Variants in SAMD12 observed in about 807,000 individuals in gnomAD.
The protein encoded by SAMD12 is sterile alpha motif domain containing 12.
Under a neutral mutation model 15.0 loss-of-function variants are expected in SAMD12, and 9 were observed. The ratio of observed to expected loss-of-function variants is 0.60; its 90% confidence interval spans 0.36 to 1.05. The LOEUF is 1.05. Ranked by LOEUF, SAMD12 falls within the 50% of genes least tolerant of loss-of-function variation. The probability of loss-of-function intolerance (pLI) is 0.01; values close to 1 mark genes in which losing one functional copy is unlikely to be tolerated. For synonymous variants in SAMD12, 86 were observed against 90.1 expected, an observed-to-expected ratio of 0.96 and a Z score of 0.25; for missense variants, 230 against 234.2, an observed-to-expected ratio of 0.98 and a Z score of 0.12.
chr8:118,315,669 T>C (rs1385806), intron 4 of SAMD12, among the ~76,000 whole-genome samples: 73,516 of 152,002 alleles, frequency 0.48, 20,602 homozygotes, highest in African/African-American at 0.79. Context: ...GCATTTTAGA[T>C]GCCATCAGAA....
chr8:118,456,990 C>A (rs1010363760), intron 2 of SAMD12, among the ~76,000 whole-genome samples: 1 of 152,146 alleles, frequency 6.6e-6, no homozygotes, highest in African/African-American at 2.4e-5. Context: ...AGCTTAATTT[C>A]TCTAAGCCTC....
chr8:118,346,233 A>G (rs1270855924), intron 4 of SAMD12, among the ~76,000 whole-genome samples: 1 of 152,212 alleles, frequency 6.6e-6, no homozygotes, highest in East Asian at 1.9e-4. Flanking sequence ...ATGGTAATAT[A>G]GATTTATACA....
intron 4 of SAMD12, among the ~76,000 whole-genome samples, chr8:118,224,944 G>T (rs1220185240): frequency 6.6e-6 from 1 of 152,118 alleles, no homozygotes; most frequent in Non-Finnish European, 1.5e-5. Flanking sequence ...AACGTTTTGG[G>T]TTTATATCTG....
At chr8:118,559,001 T>C (rs779293035) in intron 2 of SAMD12, among the ~76,000 whole-genome samples, 1 of 152,194 alleles carries the variant, frequency 6.6e-6, no homozygotes, top group Non-Finnish European at 1.5e-5. Flanking sequence ...TAAATTTTAG[T>C]TGGGTCCCAA....
chr8:118,394,143 A>C (rs1057319301), intron 3 of SAMD12, among the ~76,000 whole-genome samples: 1 of 152,226 alleles, frequency 6.6e-6, no homozygotes, highest in Non-Finnish European at 1.5e-5. Flanking sequence ...CCTTAAAGAA[A>C]GTAACAATAT....
At chr8:118,254,465 G>A (rs1175948783) in intron 4 of SAMD12, among the ~76,000 whole-genome samples, 1 of 152,150 alleles carries the variant, frequency 6.6e-6, no homozygotes, top group Non-Finnish European at 1.5e-5. Flanking sequence ...GTGATCTTAA[G>A]TCATATCTCC....
In SAMD12 at chr8:118,280,023, G is replaced by A. The variant is rs140568434; in HGVS notation, c.434-82291C>T. On this transcript the variant is annotated intron_variant, in intron 4 of 4. Coordinates refer to the SAMD12 transcript ENST00000409003. ...TGAGATTCAGAGTTGACTATTGCAC[G>A]TTCTCTCCACTTACAAATGGGACTG... 6.5e-3 allele frequency among the ~76,000 whole-genome samples: 989 copies of A among 152,280 alleles called. 12 individuals carry two copies. Among genetic ancestry groups the A allele is most frequent in the African/African-American group, 0.023 (937 of 41,562 alleles).
intron 4 of SAMD12, among the ~76,000 whole-genome samples, chr8:118,371,839 C>A (rs574427084): frequency 6.6e-6 from 1 of 152,156 alleles, no homozygotes; most frequent in African/African-American, 2.4e-5. Context: ...ACTAAGAGGA[C>A]CTACCCCCAG....
At chr8:118,550,478 T>A (rs1405187867) in intron 2 of SAMD12, among the ~76,000 whole-genome samples, 1 of 152,162 alleles carries the variant, frequency 6.6e-6, no homozygotes. Flanking sequence ...AAGCAAATGC[T>A]GAGAGATTTT....
chr8:118,441,062 G>C (rs1298262351), intron 2 of SAMD12, among the ~76,000 whole-genome samples: 1 of 152,072 alleles, frequency 6.6e-6, no homozygotes, highest in Non-Finnish European at 1.5e-5. Flanking sequence ...GGCAAAAGGA[G>C]AGCCTTCATT....
chr8:118,582,723 G>T (rs1432080889), intron 1 of SAMD12, among the ~76,000 whole-genome samples: 5 of 152,170 alleles, frequency 3.3e-5, no homozygotes, highest in Admixed American at 3.3e-4. Context: ...ATACTGGTGT[G>T]TACAGAAAAG....
chr8:118,608,647 G>A (rs1402185336), intron 1 of SAMD12, among the ~76,000 whole-genome samples: 1 of 152,046 alleles, frequency 6.6e-6, no homozygotes, highest in Non-Finnish European at 1.5e-5. Flanking sequence ...GGGACTACAG[G>A]TGTGCACCAC....
rs77331492 is a variant in SAMD12, at chr8:118,220,228, G to A, written c.434-22496C>T. ...TTTTGGTGTGTACAGTTCCATCGTC[G>A]TGCTATTCAGGAATGGACGTGGTGA... is the stretch of plus-strand genomic sequence containing the variant. On this transcript the variant is annotated intron_variant, in intron 4 of 4. Transcript: ENST00000409003. Among the ~76,000 whole-genome samples, 360 of 152,280 alleles carry A rather than the reference G, an allele frequency of 2.4e-3. 3 individuals are homozygous for A. Among genetic ancestry groups the A allele is most frequent in the African/African-American group, 7.5e-3 (311 of 41,550 alleles).
chr8:118,269,218 CTCTGTGTGTGTGTGTG>C (rs1312457699), intron 4 of SAMD12, among the ~76,000 whole-genome samples: 1 of 115,696 alleles, frequency 8.6e-6, no homozygotes, highest in Non-Finnish European at 1.7e-5. Flanking sequence ...CTCTCTCTCT[CTCTGTGTGTGTGTGTG>C]TGTGTGTGTG....
chr8:118,289,639 T>C lies in SAMD12; in HGVS notation c.433+89921A>G, dbSNP rs532445654. ...GCTGGCTTCTAGCTTACAGCAGTGC[T>C]AACCAGAATCAGGGCTGCTGACACT... On this transcript the variant is annotated intron_variant, in intron 4 of 4. Transcript: ENST00000409003. 6.6e-5 allele frequency among the ~76,000 whole-genome samples: 10 copies of C among 152,366 alleles called. No individual in the cohort carries two copies. In the East Asian group the frequency reaches 1.7e-3, roughly 26 times the overall value.
At chr8:118,548,394 C>CAT (rs72268705) in intron 2 of SAMD12, among the ~76,000 whole-genome samples, 11 of 144,276 alleles carry the variant, frequency 7.6e-5, no homozygotes, top group African/African-American at 3.0e-4. Context: ...TACACACACA[C>CAT]ACACACACAC....
chr8:118,438,259 TAAGA>T (rs1822630494), intron 3 of SAMD12, among the ~76,000 whole-genome samples: 1 of 152,196 alleles, frequency 6.6e-6, no homozygotes, highest in South Asian at 2.1e-4. Flanking sequence ...TTTTTATATT[TAAGA>T]TAGAAGGATT....
intron 4 of SAMD12, among the ~76,000 whole-genome samples, chr8:118,365,943 C>T (rs1818744777): frequency 1.3e-5 from 2 of 152,092 alleles, no homozygotes; most frequent in South Asian, 4.1e-4. Flanking sequence ...TTAATGACCC[C>T]ATTCATATCA....
intron 2 of SAMD12, among the ~76,000 whole-genome samples, chr8:118,533,346 T>A (rs1184761431): frequency 3.9e-5 from 6 of 152,220 alleles, no homozygotes; most frequent in African/African-American, 1.4e-4. Flanking sequence ...TGCTGAGCAG[T>A]GCTTTACTTC....
Sources: gnomAD v4.1 joint callset for allele counts (sites outside exome capture counted in the v4.1 genomes callset) on GRCh38, gnomAD v4.1.1 for gene constraint, MANE v1.5 for transcripts, NCBI Gene and HGNC (gene_info 2026-07-23, HGNC 2026-07-21) for gene names.